RHOT1: variants seen among roughly 807,000 people sequenced by gnomAD.
The protein encoded by RHOT1 is mitochondrial Rho GTPase 1.
In RHOT1, 27 loss-of-function variants were observed where a neutral mutation model predicts 95.3. The ratio of observed to expected loss-of-function variants is 0.28; its 90% CI spans 0.21 to 0.39. The LOEUF is 0.39. RHOT1 is among the 10% of genes least tolerant of loss of function. The pLI is 1.00. For synonymous variants in RHOT1, 227 were observed against 263.5 expected (o/e 0.86, Z 1.34); for missense variants, 578 against 786.7 (o/e 0.73, Z 3.17).
At position 32,173,837 on chromosome 17, in the gene RHOT1, C is replaced by T. The variant is rs1251712158; in HGVS notation, c.103C>T (p.Pro35Ser). The change falls in exon 3 of 20, where the codon CCC (proline) becomes TCC (serine). Residue 35 changes from proline to serine, a missense_variant. Around this residue, in one of 4 missense-constraint regions of RHOT1, gnomAD observed 51 missense variants for 114.7 expected, o/e 0.44. Transcript: ENST00000545287. ...VSEEFPEEVP[P>S]RAEEITIPAD... ...TATTTGTTTGTAAATGAAGGTTCCT[C>T]CCCGGGCAGAAGAAATCACCATTCC... 4.4e-6 allele frequency: 7 copies of T among 1,603,282 alleles called. No homozygotes were observed. In the Admixed American group the frequency reaches 1.2e-4, roughly 27 times the overall value.
intron 8 of RHOT1, among the ~76,000 whole-genome samples, chr17:32,189,254 G>A (rs905272673): frequency 2.0e-5 from 3 of 152,084 alleles, no homozygotes; most frequent in Admixed American, 6.6e-5. Context: ...AGCCGAGATC[G>A]TGCCACTGCA....
chr17:32,222,847 G>T lies in RHOT1; in HGVS notation c.1863-1769G>T, dbSNP rs1015030538. ...TCACCAGGTGCATGCTGTCAGCTCT[G>T]TAGAAGATTCCATCTTCATGGAGTC... On this transcript the variant is annotated intron_variant, in intron 19 of 19. Coordinates refer to ENST00000545287, the MANE Select transcript of RHOT1 (RefSeq NM_001033566.3). 6.1e-6 allele frequency: 6 copies of T among 985,588 alleles called. No homozygotes were observed. The African/African-American group carries it at 1.0e-4, about 17-fold the overall frequency. 61.1% of individuals were successfully genotyped at this position (985,588 alleles called of 1,614,324 possible). A position where few individuals can be genotyped will look rare whatever the true frequency, so the allele number is the denominator to read the frequency against.
chr17:32,160,078 A>G (rs1035698808), intron 1 of RHOT1: 7 of 152,244 alleles, frequency 4.6e-5, no homozygotes, highest in African/African-American at 1.7e-4. Context: ...ACAGGGAGGA[A>G]CTACCCTCTC....
rs149296398 is a variant in RHOT1 at position 32,195,494 on chromosome 17, G to A, written c.869+1387G>A. Reference sequence around the variant, plus strand: ...CAGTGCCATCCCCAAACAAGAGACCGCCTTGTTGCAGGATCCTTCTTCTAT... The same window carrying A: ...CAGTGCCATCCCCAAACAAGAGACCACCTTGTTGCAGGATCCTTCTTCTAT... On this transcript the variant is annotated intron_variant, in intron 11 of 19. Transcript: ENST00000545287. Among the ~76,000 whole-genome samples the A allele has an allele frequency of 3.3e-3, 506 of 152,198 alleles. 3 individuals carry two copies. The highest frequency in any genetic ancestry group is 0.011 in the African/African-American group (472 of 41,526).
At chr17:32,194,551 G>A (rs540897202) in intron 11 of RHOT1, among the ~76,000 whole-genome samples, 1 of 152,272 alleles carries the variant, frequency 6.6e-6, no homozygotes, top group African/African-American at 2.4e-5. Flanking sequence ...CCTCTGAAGT[G>A]AAATTATCCC....
At chr17:32,220,181 G>A (rs2038740188) in intron 19 of RHOT1, among the ~76,000 whole-genome samples, 1 of 151,852 alleles carries the variant, frequency 6.6e-6, no homozygotes, top group African/African-American at 2.4e-5. Flanking sequence ...GTGCAACATA[G>A]CAAGACCCCA....
intron 1 of RHOT1, among the ~76,000 whole-genome samples, chr17:32,164,266 G>A (rs981644578): frequency 1.2e-4 from 18 of 151,656 alleles, no homozygotes; most frequent in South Asian, 2.1e-4. Context: ...ACGGAGTGTC[G>A]CTCCGTCGCC....
intron 6 of RHOT1, among the ~76,000 whole-genome samples, chr17:32,181,568 T>G (rs1421212253): frequency 6.6e-6 from 1 of 152,214 alleles, no homozygotes; most frequent in Non-Finnish European, 1.5e-5. Flanking sequence ...TTAGTGATAG[T>G]GAAAAAATGT....
At chr17:32,201,224 T>C (rs2037293817) in intron 14 of RHOT1, among the ~76,000 whole-genome samples, 168 bp downstream of exon 14, 1 of 152,256 alleles carries the variant, frequency 6.6e-6, no homozygotes, top group African/African-American at 2.4e-5. Context: ...TGCTTGATTT[T>C]ATTGTTTATG....
chr17:32,157,045 T>C (rs2142412585), intron 1 of RHOT1, among the ~76,000 whole-genome samples: 1 of 152,388 alleles, frequency 6.6e-6, no homozygotes, highest in South Asian at 2.1e-4. Flanking sequence ...CAATTCTGTG[T>C]AGTTCCAAAG....
Position 32,208,260 on chromosome 17 carries a change from GC to G in RHOT1, c.1695del (p.Ser566ValfsTer8). On this transcript the variant is annotated frameshift_variant, in exon 18 of 20. Transcript: ENST00000545287. LOFTEE classifies it high-confidence loss of function. ...PQAFTCNTAD[A>X]PSKDIFVKLT... The stretch of plus-strand genomic sequence containing the variant: ...AGCCTTCACTTGCAATACTGCTGAT[GC>G]CCCCAGTAAGGATATCTTTGTTAAA... The G allele has an allele frequency of 6.2e-7, 1 of 1,614,034 alleles. No individual in the cohort carries two copies. The highest frequency in any genetic ancestry group is 8.5e-7 in the Non-Finnish European group (1 of 1,179,960).
At chr17:32,216,733 A>T (rs758414221) in intron 19 of RHOT1, among the ~76,000 whole-genome samples, 23 of 152,144 alleles carry the variant, frequency 1.5e-4, no homozygotes, top group Non-Finnish European at 2.9e-4. Flanking sequence ...GGATTTTATT[A>T]TTGTCAGACA....
intron 1 of RHOT1, among the ~76,000 whole-genome samples, chr17:32,170,327 A>C (rs955214177): frequency 1.3e-5 from 2 of 152,084 alleles, no homozygotes; most frequent in African/African-American, 4.8e-5. Flanking sequence ...AGGCACGAGA[A>C]TCGCATGAAC....
At chr17:32,191,658 C>A (rs764815635) in intron 8 of RHOT1, among the ~76,000 whole-genome samples, 4 of 152,080 alleles carry the variant, frequency 2.6e-5, no homozygotes, top group Non-Finnish European at 5.9e-5. Context: ...ATAAATAATT[C>A]TTATACTAGG....
At chr17:32,205,911 G>T (rs556682709) in intron 16 of RHOT1, among the ~76,000 whole-genome samples, 3 of 152,148 alleles carry the variant, frequency 2.0e-5, no homozygotes, top group Non-Finnish European at 4.4e-5. Flanking sequence ...TTTATAATAA[G>T]CACCGAAGAG....
intron 9 of RHOT1, 31 bp downstream of exon 9, chr17:32,192,330 ATCTTT>A: frequency 1.3e-6 from 1 of 776,086 alleles, no homozygotes; most frequent in Non-Finnish European, 2.0e-6. Context: ...ACATTTGCGT[ATCTTT>A]TTTTTTTTTT....
chr17:32,210,073 G>GT (rs1008785108), intron 18 of RHOT1, among the ~76,000 whole-genome samples: 2 of 152,046 alleles, frequency 1.3e-5, no homozygotes, highest in Non-Finnish European at 2.9e-5. Flanking sequence ...ATGCCACCAT[G>GT]TGCTGTGGTC....
intron 6 of RHOT1, chr17:32,180,011 GCCC>G (rs2035483466): frequency 7.1e-6 from 1 of 140,770 alleles, no homozygotes. Flanking sequence ...CTGCCCGGCC[GCCC>G]CGTCTGGGAA....
At chr17:32,185,920 C>A (rs570759709) in intron 8 of RHOT1, among the ~76,000 whole-genome samples, 52 of 152,066 alleles carry the variant, frequency 3.4e-4, no homozygotes, top group Non-Finnish European at 6.5e-4. Context: ...CAGGATCTCA[C>A]TATGTTGCCC....
Sources: gnomAD v4.1 joint callset for allele counts (sites outside exome capture counted in the v4.1 genomes callset) on GRCh38, gnomAD v4.1.1 for gene constraint, gnomAD v4.1.1 regional missense constraint, MANE v1.5 for transcripts, NCBI Gene and HGNC (gene_info 2026-07-23, HGNC 2026-07-21) for gene names.